Variants in ZSWIM2 observed in about 807,000 individuals in gnomAD.
ZSWIM2 encodes the protein zinc finger SWIM-type containing 2, also known as E3 ubiquitin-protein ligase ZSWIM2.
A neutral mutation model predicts 48.4 loss-of-function variants in ZSWIM2; 38 were observed. The observed-to-expected ratio is 0.79, with a 90% confidence interval of 0.61 to 1.03. The LOEUF (loss-of-function observed/expected upper bound fraction) is 1.03. Ranked by LOEUF, ZSWIM2 falls within the 50% of genes least tolerant of loss-of-function variation. The pLI is 0.00. For missense variants in ZSWIM2, 776 were observed against 730.2 expected (o/e 1.06, Z -0.72); for synonymous variants, 240 against 251.3 (o/e 0.96, Z 0.42).
intron 3 of ZSWIM2, among the ~76,000 whole-genome samples, chr2:186,843,836 T>G (rs1691950719): frequency 6.6e-6 from 1 of 151,356 alleles, no homozygotes; most frequent in Admixed American, 6.6e-5. Flanking sequence ...ATATGTAGAG[T>G]GAAAAAAGAG....
chr2:186,833,056 C>A, intron 7 of ZSWIM2, 64 bp downstream of exon 7: 1 of 682,868 alleles, frequency 1.5e-6, no homozygotes, highest in South Asian at 2.6e-5. Flanking sequence ...AAAACTTATT[C>A]AAATTGAGAA....
In ZSWIM2 at chr2:186,833,955, T is replaced by G. The variant is rs1218217847; in HGVS notation, c.819A>C (p.Thr273=). 6.2e-7 allele frequency: 1 copy of G among 1,612,524 alleles called. No homozygotes were observed. Among genetic ancestry groups the G allele is most frequent in the Non-Finnish European group, 8.5e-7 (1 of 1,179,058 alleles). ...DSCCHLSHTF[T]FREKRNQKWR... ...AAGATGGATACTGTACCTCACGAAATGTAAACGTGTGGGAAAGATGGCAGC... is the reference window on the plus strand; with the variant it reads ...AAGATGGATACTGTACCTCACGAAAGGTAAACGTGTGGGAAAGATGGCAGC... Residue 273 remains threonine (T), a synonymous_variant, in exon 6 of 9, where the codon ACA becomes ACC. Transcript: ENST00000295131.
intron 5 of ZSWIM2, among the ~76,000 whole-genome samples, chr2:186,835,069 A>G (rs1172668429): frequency 6.6e-6 from 1 of 152,112 alleles, no homozygotes; most frequent in Non-Finnish European, 1.5e-5. Context: ...AGTCTATTAG[A>G]TATTCTGTCA....
chr2:186,843,269 A>G (rs565750111), intron 3 of ZSWIM2, among the ~76,000 whole-genome samples: 1 of 151,756 alleles, frequency 6.6e-6, no homozygotes, highest in Admixed American at 6.6e-5. Context: ...AATACAATGG[A>G]GAAGTCAAAA....
rs759178259 is a variant in ZSWIM2, at chr2:186,839,132, A to C, written c.321T>G (p.Ser107Arg). Residue 107 changes from serine (S) to arginine (R), a missense_variant, in exon 4 of 9, where the codon AGT becomes AGG. By Grantham distance (110) the Ser-to-Arg change is moderately radical (BLOSUM62 -1). Coordinates refer to ENST00000295131, the MANE Select transcript of ZSWIM2 (RefSeq NM_182521.3). The part of the protein sequence containing the change: ...LQLGLGEREI[S>R]DLLRGIHRVQ... ...CTCGATGTATCCCCCGAAGCAAGTC[A>C]CTTATCTCTCTTTCTCCAAGACCCA... 5 of 1,611,584 alleles carry C rather than the reference A, an allele frequency of 3.1e-6. No homozygotes were observed. In the East Asian group the frequency reaches 1.1e-4, roughly 36 times the overall value.
intron 8 of ZSWIM2, 121 bp downstream of exon 8, chr2:186,829,606 G>T: frequency 1.1e-6 from 1 of 901,260 alleles, no homozygotes; most frequent in Non-Finnish European, 1.6e-6. Flanking sequence ...TATGTGCTGT[G>T]CAATGTGAAC....
intron 1 of ZSWIM2, 138 bp downstream of exon 1, chr2:186,848,828 G>T (rs2105517971): frequency 9.3e-7 from 1 of 1,079,024 alleles, no homozygotes; most frequent in Non-Finnish European, 1.4e-6. Context: ...TGGAACACTC[G>T]TGGGAAGGCG....
chr2:186,829,843 G>A lies in ZSWIM2; in HGVS notation c.979C>T (p.Pro327Ser). 6.2e-7 allele frequency: 1 copy of A among 1,613,598 alleles called. No individual in the cohort carries two copies. Among genetic ancestry groups the A allele is most frequent in the African/African-American group, 1.3e-5 (1 of 74,980 alleles). The change falls in exon 8 of 9, where the codon CCT becomes TCT. Residue 327 changes from proline to serine, a missense_variant. By Grantham distance (74) the Pro-to-Ser change is moderately conservative. Transcript: ENST00000295131. ...YTPKHIVRSL[P>S]LQLITKNSKL... ...CTATTCTTAGTAATCAGTTGGAGAG[G>A]CAGTGATCTTACAATGTGTTTTGGT...
In ZSWIM2 at chr2:186,833,160, C is replaced by G; in HGVS notation, c.901G>C (p.Glu301Gln). ...AAATGTGACATCTTTTCTTCAATCT[C>G]ATTTTTAGTATCTATGTATTTTACA... ...EVVKYIDTKN[E>Q]IEEKMSHFQE... The change falls in exon 7 of 9, where the codon GAG (glutamate) becomes CAG (glutamine). Residue 301 changes from glutamate to glutamine, a missense_variant. By Grantham distance (29) the Glu-to-Gln change is conservative. Transcript: ENST00000295131. 1 of 1,520,046 alleles carries G rather than the reference C, an allele frequency of 6.6e-7. No homozygotes were observed. Among genetic ancestry groups the G allele is most frequent in the Non-Finnish European group, 8.8e-7 (1 of 1,136,378 alleles). 94.2% of individuals were successfully genotyped at this position (1,520,046 alleles called of 1,614,324 possible).
rs1553517375 is a variant in ZSWIM2 at position 186,837,612 on chromosome 2, GTATATATATATATATATTATATA to G, written c.495-81_495-59del. The G allele has an allele frequency of 5.9e-5, 29 of 488,074 alleles. No homozygotes were observed. In the South Asian group the frequency reaches 7.7e-4, roughly 13 times the overall value. 30.2% of individuals were successfully genotyped at this position (488,074 alleles called of 1,614,324 possible). A position where few individuals can be genotyped will look rare whatever the true frequency, so the allele number is the denominator to read the frequency against. On this transcript the variant is annotated intron_variant, in intron 4 of 8. Transcript: ENST00000295131. ...TATAGAGCAGTTTTACATATCCATT[GTATATATATATATATATTATATA>G]TATATTTATATAAATAAAATTTCCT... is the stretch of plus-strand genomic sequence containing the variant.
chr2:186,831,704 G>A (rs552317375), intron 7 of ZSWIM2, among the ~76,000 whole-genome samples: 2 of 152,188 alleles, frequency 1.3e-5, no homozygotes, highest in East Asian at 1.9e-4. Flanking sequence ...CATAAAAAAT[G>A]ATGAGCTCAT....
Position 186,829,798 on chromosome 2 carries a change from A to C in ZSWIM2, c.1024T>G (p.Tyr342Asp), listed in dbSNP as rs1226077603. The C allele has an allele frequency of 6.2e-7, 1 of 1,613,742 alleles. No homozygotes were observed. The highest frequency in any genetic ancestry group is 1.1e-5 in the South Asian group (1 of 91,058). ...GCCTTCAAACAAAGTAGACACTGGT[A>C]GCCTGGAGCAAGCAGCTTACTATTC... is the stretch of plus-strand genomic sequence containing the variant. ...TKNSKLLAPGYQCLLCLKAFH... is the reference protein window; with the variant it reads ...TKNSKLLAPGDQCLLCLKAFH... Residue 342 changes from tyrosine to aspartate, a missense_variant, in exon 8 of 9, where the codon TAC becomes GAC. Coordinates refer to ENST00000295131, the MANE Select transcript of ZSWIM2 (RefSeq NM_182521.3).
At chr2:186,846,594 A>T (rs1007435624) in intron 2 of ZSWIM2, among the ~76,000 whole-genome samples, 2 of 151,838 alleles carry the variant, frequency 1.3e-5, no homozygotes, top group African/African-American at 2.4e-5. Flanking sequence ...AAAACTAAAA[A>T]TAGAACTACC....
chr2:186,837,715 A>G (rs1691823814), intron 4 of ZSWIM2, among the ~76,000 whole-genome samples, 161 bp from the exon 5 acceptor site: 1 of 150,042 alleles, frequency 6.7e-6, no homozygotes, highest in African/African-American at 2.4e-5. Flanking sequence ...TTTCAGCTAT[A>G]GCTTGATTAC....
rs555394548 is a variant in ZSWIM2, at chr2:186,828,497, T to G, written c.1389A>C (p.Glu463Asp). Residue 463 changes from glutamate (E) to aspartate (D), a missense_variant, in exon 9 of 9, where the codon GAA (glutamate) becomes GAC (aspartate). By Grantham distance (45) the Glu-to-Asp change is conservative (BLOSUM62 2). Coordinates refer to ENST00000295131, the MANE Select transcript of ZSWIM2 (RefSeq NM_182521.3). ...NTPQSPKDAY[E>D]NTTIDNLCSI... ...AGCATAGATTATCTATTGTTGTATT[T>G]TCATAGGCATCTTTTGGGCTTTGAG... 1 of 1,613,486 alleles carries G rather than the reference T, an allele frequency of 6.2e-7. No homozygotes were observed. Among genetic ancestry groups the G allele is most frequent in the African/African-American group, 1.3e-5 (1 of 75,000 alleles).
At chr2:186,838,925 T>C (rs746358178) in intron 4 of ZSWIM2, 34 bp downstream of exon 4, 19 of 1,566,698 alleles carry the variant, frequency 1.2e-5, no homozygotes, top group Non-Finnish European at 1.6e-5. Context: ...GAATTTTTAA[T>C]TAGTTTTAAG....
chr2:186,830,656 T>C (rs111554199), intron 7 of ZSWIM2, among the ~76,000 whole-genome samples: 1 of 151,490 alleles, frequency 6.6e-6, no homozygotes, highest in Non-Finnish European at 1.5e-5. Context: ...TTTGTTTTCA[T>C]CTGGGGTATA....
intron 4 of ZSWIM2, among the ~76,000 whole-genome samples, 158 bp downstream of exon 4, chr2:186,838,801 G>A (rs1015654305): frequency 6.9e-6 from 1 of 145,150 alleles, no homozygotes; most frequent in African/African-American, 2.5e-5. Flanking sequence ...TTATATATAT[G>A]TGTGTGTGTT....
At chr2:186,838,142 G>T (rs1293806351) in intron 4 of ZSWIM2, among the ~76,000 whole-genome samples, 4 of 151,254 alleles carry the variant, frequency 2.6e-5, no homozygotes, top group African/African-American at 9.7e-5. Flanking sequence ...GAAAATGACT[G>T]TCCAAATTTT....
Sources: allele counts gnomAD v4.1 joint callset (sites outside exome capture counted in the v4.1 genomes callset), GRCh38; gene constraint gnomAD v4.1.1; transcripts MANE v1.5; gene names NCBI Gene and HGNC (gene_info 2026-07-23, HGNC 2026-07-21).